Variants in CRTC1 observed in about 807,000 individuals in gnomAD.
CRTC1 encodes the protein CREB regulated transcription coactivator 1.
A neutral mutation model predicts 66.1 loss-of-function variants in CRTC1; 18 were observed. The ratio of observed to expected loss-of-function variants is 0.27; its 90% CI spans 0.19 to 0.40. The LOEUF (loss-of-function observed/expected upper bound fraction) is 0.40, where lower values mean the gene tolerates loss of function less well. Ranked by LOEUF, CRTC1 falls within the 10% of genes least tolerant of loss-of-function variation. The pLI is 1.00. For synonymous variants in CRTC1, 416 were observed against 398.8 expected, an observed-to-expected ratio of 1.04 and a Z score of -0.51; for missense variants, 669 against 887.9, an observed-to-expected ratio of 0.75 and a Z score of 3.13.
At position 18,781,596 on chromosome 19, in the gene CRTC1, A is replaced by C; in HGVS notation, c.*4214A>C. ...AGGAGGTGGAGTAAGTTGTACCCCC[A>C]GGCCTGGGTGCTGGGGAGTTCCTGA... On this transcript the variant is annotated 3_prime_UTR_variant, in exon 14 of 14. Transcript: ENST00000321949. 1 of 228,990 alleles carries C rather than the reference A, an allele frequency of 4.4e-6. No individual in the cohort carries two copies. Among genetic ancestry groups the C allele is most frequent in the Non-Finnish European group, 8.7e-6 (1 of 115,406 alleles). 14.2% of individuals were successfully genotyped at this position (228,990 alleles called of 1,614,324 possible). A position where few individuals can be genotyped will look rare whatever the true frequency, so the allele number is the denominator to read the frequency against.
At chr19:18,729,118 G>T (rs924799915) in intron 1 of CRTC1, among the ~76,000 whole-genome samples, 1 of 143,136 alleles carries the variant, frequency 7.0e-6, no homozygotes, top group Non-Finnish European at 1.5e-5. Flanking sequence ...TGCCCGCCTT[G>T]TTTTCTTTAG....
intron 1 of CRTC1, among the ~76,000 whole-genome samples, chr19:18,711,636 C>T (rs1447361748): frequency 3.3e-5 from 5 of 152,328 alleles, no homozygotes; most frequent in Admixed American, 6.5e-5. Flanking sequence ...GGCCTGAGGG[C>T]CTCTGGGCTG....
At chr19:18,762,208 A>G (rs954642435) in intron 8 of CRTC1, among the ~76,000 whole-genome samples, 4 of 152,162 alleles carry the variant, frequency 2.6e-5, no homozygotes, top group African/African-American at 9.7e-5. Flanking sequence ...GCAGGTCCCC[A>G]GCGCCCGCCC....
At chr19:18,731,450 C>A (rs1389756097) in intron 1 of CRTC1, among the ~76,000 whole-genome samples, 2 of 152,198 alleles carry the variant, frequency 1.3e-5, no homozygotes, top group African/African-American at 4.8e-5. Flanking sequence ...TCATTGGATG[C>A]AGGGACCTCC....
At chr19:18,757,093 G>A (rs1201405609) in intron 6 of CRTC1, among the ~76,000 whole-genome samples, 7 of 152,118 alleles carry the variant, frequency 4.6e-5, no homozygotes, top group African/African-American at 1.4e-4. Context: ...CCCACCCTCT[G>A]CCAGCATGTT....
chr19:18,693,648 C>CA (rs2052908196), intron 1 of CRTC1, among the ~76,000 whole-genome samples: 1 of 150,490 alleles, frequency 6.6e-6, no homozygotes, highest in Non-Finnish European at 1.5e-5. Flanking sequence ...TGCCCGGCTA[C>CA]TTTTTTTTGT....
chr19:18,775,028 C>G (rs1240463450), intron 12 of CRTC1, 42 bp downstream of exon 12: 1 of 1,574,332 alleles, frequency 6.4e-7, no homozygotes, highest in Non-Finnish European at 8.6e-7. Flanking sequence ...GTGCCCAGGA[C>G]AGATGCTTGC....
chr19:18,752,617 C>G (rs1385522715), intron 5 of CRTC1, among the ~76,000 whole-genome samples: 1 of 151,772 alleles, frequency 6.6e-6, no homozygotes. Flanking sequence ...CTGTGTCCAG[C>G]CTTGTTTCTC....
chr19:18,707,835 AAAC>A (rs1357134851), intron 1 of CRTC1, among the ~76,000 whole-genome samples: 1 of 152,226 alleles, frequency 6.6e-6, no homozygotes, highest in South Asian at 2.1e-4. Context: ...TCTCTATTTA[AAAC>A]AACAACAACA....
Position 18,779,334 on chromosome 19 carries a change from G to C in CRTC1, c.*1952G>C, listed in dbSNP as rs747640949. ...GCCAAGTGGCCACTCATAGGAGAAG[G>C]CTCCCTGGTCACGTTGCTCCTGCTG... On this transcript the variant is annotated 3_prime_UTR_variant, in exon 14 of 14. Transcript: ENST00000321949. 1 of 227,660 alleles carries C rather than the reference G, an allele frequency of 4.4e-6. No individual in the cohort carries two copies. The highest frequency in any genetic ancestry group is 6.3e-5 in the East Asian group (1 of 15,882). 14.1% of individuals were successfully genotyped at this position (227,660 alleles called of 1,614,324 possible). A position where few individuals can be genotyped will look rare whatever the true frequency, so the allele number is the denominator to read the frequency against.
chr19:18,731,011 T>C (rs936907709), intron 1 of CRTC1, among the ~76,000 whole-genome samples: 9 of 152,050 alleles, frequency 5.9e-5, no homozygotes, highest in Non-Finnish European at 1.0e-4. Context: ...AGTGTCTCGC[T>C]GTCACCCAGG....
intron 3 of CRTC1, among the ~76,000 whole-genome samples, chr19:18,746,265 G>T (rs1325993553): frequency 6.6e-6 from 1 of 152,158 alleles, no homozygotes; most frequent in African/African-American, 2.4e-5. Flanking sequence ...TGGCAGGGCA[G>T]TGGGGCCAGG....
chr19:18,730,495 A>G (rs1365283822), intron 1 of CRTC1, among the ~76,000 whole-genome samples: 2 of 151,918 alleles, frequency 1.3e-5, no homozygotes, highest in Non-Finnish European at 2.9e-5. Context: ...CCTGCCGTGG[A>G]GTCACCGGCT....
intron 1 of CRTC1, among the ~76,000 whole-genome samples, chr19:18,727,448 G>A (rs1389287080): frequency 2.0e-5 from 3 of 151,156 alleles, no homozygotes; most frequent in African/African-American, 7.3e-5. Flanking sequence ...GGGTATGGTG[G>A]CACGCATCAG....
intron 9 of CRTC1, among the ~76,000 whole-genome samples, chr19:18,765,761 G>A (rs2145829767): frequency 1.3e-5 from 2 of 152,248 alleles, no homozygotes; most frequent in Admixed American, 1.3e-4. Context: ...AGGAGTTCGA[G>A]ACCAGCCTGG....
intron 1 of CRTC1, among the ~76,000 whole-genome samples, chr19:18,734,503 G>T (rs2053955646): frequency 6.6e-6 from 1 of 150,684 alleles, no homozygotes; most frequent in East Asian, 2.0e-4. Flanking sequence ...TGGACAACAT[G>T]GGGGACCCTG....
In CRTC1 at chr19:18,747,127, A is replaced by AGGGGGGGGGGGGGGGG; in HGVS notation, c.443+13_443+14insGGGGGGGGGGGGGGGG. On this transcript the variant is annotated intron_variant, in intron 4 of 13. Coordinates refer to ENST00000321949, the MANE Select transcript of CRTC1 (RefSeq NM_015321.3). ...CCAGCTGGAGAAGGTCAGTGGCTGG[A>AGGGGGGGGGGGGGGGG]CACCCCCCCCCCGCCCCCTTCTTGT... 2.2e-6 allele frequency: 3 copies of AGGGGGGGGGGGGGGGG among 1,391,484 alleles called. No individual in the cohort carries two copies. Among genetic ancestry groups the AGGGGGGGGGGGGGGGG allele is most frequent in the South Asian group, 1.2e-5 (1 of 84,518 alleles). The allele number at this position is 1,391,484 out of a possible 1,614,324, so 86.2% of individuals were successfully genotyped here. A position where few individuals can be genotyped will look rare whatever the true frequency, so the allele number is the denominator to read the frequency against.
At chr19:18,717,187 T>C (rs1048973559) in intron 1 of CRTC1, among the ~76,000 whole-genome samples, 4 of 151,848 alleles carry the variant, frequency 2.6e-5, no homozygotes, top group Admixed American at 2.6e-4. Flanking sequence ...TTGGGGAGCT[T>C]TGAGTGAGGG....
At position 18,777,614 on chromosome 19, in the gene CRTC1, A is replaced by T. The variant is rs886295891; in HGVS notation, c.*232A>T. ...CCGCCCAGGGCTGGGCTGGGATCGG[A>T]GGCCGTGAGCCTCCCGCCCCTGCAG... On this transcript the variant is annotated 3_prime_UTR_variant, in exon 14 of 14. Transcript: ENST00000321949. The surrounding 1 kb of genome is among the most constrained non-coding windows in gnomAD (Gnocchi z 5.5). 1.2e-5 allele frequency: 6 copies of T among 500,632 alleles called. No individual in the cohort carries two copies. The Admixed American group carries it at 1.2e-4, about 10-fold the overall frequency. The allele number at this position is 500,632 out of a possible 1,614,324, so 31.0% of individuals were successfully genotyped here. A position where few individuals can be genotyped will look rare whatever the true frequency, so the allele number is the denominator to read the frequency against.
Sources: allele counts gnomAD v4.1 joint callset (sites outside exome capture counted in the v4.1 genomes callset), GRCh38; gene constraint gnomAD v4.1.1; non-coding constraint Gnocchi (gnomAD v3.1); transcripts MANE v1.5; gene names NCBI Gene and HGNC (gene_info 2026-07-23, HGNC 2026-07-21).